CCDC144A: variants seen among roughly 807,000 people sequenced by gnomAD.
The protein encoded by CCDC144A is coiled-coil domain containing 144A.
A neutral mutation model predicts 143.8 loss-of-function variants in CCDC144A; 41 were observed. That is an observed-to-expected ratio of 0.29 (90% CI 0.22 to 0.37). The LOEUF (loss-of-function observed/expected upper bound fraction) is 0.37, where lower values mean the gene tolerates loss of function less well. Among genes scored for constraint, CCDC144A ranks in the 10% least tolerant of loss-of-function variants. The pLI is 1.00. For synonymous variants in CCDC144A, 242 were observed against 517.9 expected, an observed-to-expected ratio of 0.47 and a Z score of 7.23; for missense variants, 637 against 1,488.8, an observed-to-expected ratio of 0.43 and a Z score of 9.41.
Position 16,732,667 on chromosome 17 carries a change from G to A in CCDC144A, c.2418+1G>A. ...GGCTCGAAAGAAAATGAATTCTGAG[G>A]TATTTTCTTTAGTCATTTTCAAATA... On this transcript the variant is annotated splice_donor_variant, in intron 11 of 16. Coordinates refer to ENST00000399273, the MANE Select transcript of CCDC144A (RefSeq NM_001382000.1). LOFTEE classifies it high-confidence loss of function. 6.4e-7 allele frequency: 1 copy of A among 1,573,442 alleles called. No homozygotes were observed. The highest frequency in any genetic ancestry group is 8.6e-7 in the Non-Finnish European group (1 of 1,159,892).
At position 16,745,799 on chromosome 17, in the gene CCDC144A, G is replaced by A. The variant is rs1203204758; in HGVS notation, c.3372+10156G>A. On this transcript the variant is annotated intron_variant, in intron 12 of 16. Coordinates refer to ENST00000399273, the MANE Select transcript of CCDC144A (RefSeq NM_001382000.1). ...GCTCTTTTCTGGGTGCTGGACTGTCGTCACACCTCTGCGCTCTTCCCAGTC... is the reference window on the plus strand; with the variant it reads ...GCTCTTTTCTGGGTGCTGGACTGTCATCACACCTCTGCGCTCTTCCCAGTC... 3.1e-6 allele frequency: 5 copies of A among 1,610,234 alleles called. No individual in the cohort carries two copies. In the South Asian group the frequency reaches 3.3e-5, roughly 11 times the overall value.
At chr17:16,697,576 A>T (rs948212028) in intron 2 of CCDC144A, among the ~76,000 whole-genome samples, 3 of 152,282 alleles carry the variant, frequency 2.0e-5, no homozygotes, top group African/African-American at 7.2e-5. Context: ...TCACCCATCC[A>T]TGGTGAAATC....
At chr17:16,716,875 ACC>A (rs1912789334) in intron 6 of CCDC144A, among the ~76,000 whole-genome samples, 1 of 141,440 alleles carries the variant, frequency 7.1e-6, no homozygotes, top group Non-Finnish European at 1.5e-5. Flanking sequence ...GTGCAGTGGC[ACC>A]ATCTCAGCTC....
intron 2 of CCDC144A, among the ~76,000 whole-genome samples, chr17:16,696,633 CAAAA>C (rs536770820): frequency 2.8e-5 from 2 of 71,808 alleles, no homozygotes; most frequent in Admixed American, 1.5e-4. Context: ...GACTCTGTCT[CAAAA>C]AAAAAAAAAA....
At position 16,775,017 on chromosome 17, in the gene CCDC144A, C is replaced by T. The variant is rs1176582558; in HGVS notation, c.*1384C>T. ...CTGAGGATAATGTTCTGCAGCTCCACCCATGTCCCTGCAAAGGACATGTCT... is the reference window on the plus strand; with the variant it reads ...CTGAGGATAATGTTCTGCAGCTCCATCCATGTCCCTGCAAAGGACATGTCT... On this transcript the variant is annotated 3_prime_UTR_variant, in exon 17 of 17. Coordinates refer to ENST00000399273, the MANE Select transcript of CCDC144A (RefSeq NM_001382000.1). 6.6e-6 allele frequency: 1 copy of T among 151,390 alleles called. No individual in the cohort carries two copies. Among genetic ancestry groups the T allele is most frequent in the Non-Finnish European group, 1.5e-5 (1 of 67,984 alleles). The allele number at this position is 151,390 out of a possible 1,614,324, so 9.4% of individuals were successfully genotyped here. A position where few individuals can be genotyped will look rare whatever the true frequency, so the allele number is the denominator to read the frequency against.
chr17:16,746,922 A>G (rs944711893), intron 12 of CCDC144A, among the ~76,000 whole-genome samples: 14 of 143,126 alleles, frequency 9.8e-5, no homozygotes, highest in African/African-American at 3.8e-4. Flanking sequence ...CTAGGTCCCA[A>G]TTTTTCATTT....
At chr17:16,770,616 T>C (rs1413955098) in intron 15 of CCDC144A, among the ~76,000 whole-genome samples, 1 of 151,942 alleles carries the variant, frequency 6.6e-6, no homozygotes, top group Non-Finnish European at 1.5e-5. Flanking sequence ...TTGTTTCTTA[T>C]GTAAAATTAA....
At chr17:16,724,372 C>T (rs1913265603) in intron 8 of CCDC144A, among the ~76,000 whole-genome samples, 1 of 152,020 alleles carries the variant, frequency 6.6e-6, no homozygotes, top group Non-Finnish European at 1.5e-5. Context: ...TCTGTCTCTA[C>T]TAAAAATACA....
intron 5 of CCDC144A, among the ~76,000 whole-genome samples, chr17:16,711,122 C>A (rs1460889192): frequency 1.2e-5 from 1 of 81,786 alleles, no homozygotes; most frequent in Non-Finnish European, 2.4e-5. Flanking sequence ...TTTTTGATAT[C>A]CCAGGATTCA....
intron 12 of CCDC144A, chr17:16,737,683 T>A (rs1020293095): frequency 7.8e-7 from 1 of 1,274,758 alleles, no homozygotes; most frequent in African/African-American, 1.5e-5. Context: ...GAAGTATGTA[T>A]GAAACATAAC....
In CCDC144A at chr17:16,772,027, A is replaced by C; in HGVS notation, c.4141+8A>C. 6.5e-7 allele frequency: 1 copy of C among 1,528,080 alleles called. No homozygotes were observed. The highest frequency in any genetic ancestry group is 1.4e-5 in the African/African-American group (1 of 72,130). The allele number at this position is 1,528,080 out of a possible 1,614,324, so 94.7% of individuals were successfully genotyped here. On this transcript the variant is annotated splice_region_variant and intron_variant, in intron 16 of 16. Coordinates refer to ENST00000399273, the MANE Select transcript of CCDC144A (RefSeq NM_001382000.1). ...TAACTGCAGAAGTAGCAGGTATGTTACCAAAATTTATGAATTAAATTTAGA... is the reference window on the plus strand; with the variant it reads ...TAACTGCAGAAGTAGCAGGTATGTTCCCAAAATTTATGAATTAAATTTAGA...
the CCDC144A span, among the ~76,000 whole-genome samples, chr17:16,678,955 T>C: frequency 3.8e-3 from 581 of 152,020 alleles, 6 homozygotes; most frequent in African/African-American, 0.013. Flanking sequence ...GGTTTCTCCA[T>C]GTTGGTCAGG....
intron 15 of CCDC144A, among the ~76,000 whole-genome samples, chr17:16,766,669 G>A (rs990354015): frequency 1.3e-5 from 2 of 152,192 alleles, no homozygotes; most frequent in Admixed American, 1.3e-4. Flanking sequence ...GAACCTGGGA[G>A]GCAAAGGTTG....
chr17:16,713,502 T>C (rs1912565396), intron 6 of CCDC144A, among the ~76,000 whole-genome samples: 1 of 152,362 alleles, frequency 6.6e-6, no homozygotes, highest in African/African-American at 2.4e-5. Flanking sequence ...TAGAATTCCA[T>C]ATTTTGACTA....
At position 16,745,973 on chromosome 17, in the gene CCDC144A, C is replaced by A. The variant is rs187379561; in HGVS notation, c.3372+10330C>A. The A allele has an allele frequency of 2.5e-6, 4 of 1,609,158 alleles. No individual in the cohort carries two copies. The Admixed American group carries it at 6.7e-5, about 27-fold the overall frequency. ...GAGCTCTGTGCCTCCTGCCGTCATC[C>A]ACATGGTGTCTTTGTGATTCAGATT... On this transcript the variant is annotated intron_variant, in intron 12 of 16. Coordinates refer to ENST00000399273, the MANE Select transcript of CCDC144A (RefSeq NM_001382000.1).
chr17:16,706,467 T>A (rs1363567607), intron 3 of CCDC144A: 1 of 140,672 alleles, frequency 7.1e-6, no homozygotes, highest in Non-Finnish European at 1.5e-5. Context: ...GAACTGCTGG[T>A]CCTGTCCTGC....
intron 12 of CCDC144A, among the ~76,000 whole-genome samples, chr17:16,747,820 T>G (rs540472543): frequency 1.3e-5 from 2 of 152,270 alleles, no homozygotes; most frequent in African/African-American, 4.8e-5. Flanking sequence ...CCAGGATAAA[T>G]TGGCAAACTC....
intron 12 of CCDC144A, among the ~76,000 whole-genome samples, chr17:16,758,680 T>A (rs1182226468): frequency 6.6e-6 from 1 of 152,264 alleles, no homozygotes; most frequent in Non-Finnish European, 1.5e-5. Context: ...CTTTGTTGTA[T>A]CCTTTTCATA....
intron 8 of CCDC144A, among the ~76,000 whole-genome samples, chr17:16,726,735 C>T (rs1192096643): frequency 6.6e-6 from 1 of 152,056 alleles, no homozygotes; most frequent in East Asian, 1.9e-4. Flanking sequence ...CTGCTAGATA[C>T]TCAGGAGGTA....
Sources: allele counts gnomAD v4.1 joint callset (sites outside exome capture counted in the v4.1 genomes callset), GRCh38; gene constraint gnomAD v4.1.1; transcripts MANE v1.5; gene names NCBI Gene and HGNC (gene_info 2026-07-23, HGNC 2026-07-21).